ERBB4: variants seen among roughly 807,000 people sequenced by gnomAD.
ERBB4 encodes the protein receptor tyrosine-protein kinase erbB-4.
ERBB4 carries 42 observed loss-of-function variants against 158.0 expected under a neutral mutation model. That is an observed-to-expected ratio of 0.27 (90% CI 0.21 to 0.34). The LOEUF (loss-of-function observed/expected upper bound fraction) is 0.34, where lower values mean the gene tolerates loss of function less well. ERBB4 is among the 10% of genes least tolerant of loss of function. The pLI, the probability that ERBB4 is intolerant of heterozygous loss-of-function variation, is 1.00. For missense variants in ERBB4, 1,333 were observed against 1,624.1 expected, an observed-to-expected ratio of 0.82 and a Z score of 3.08; for synonymous variants, 583 against 558.7, an observed-to-expected ratio of 1.04 and a Z score of -0.61.
chr2:212,377,458 A>G (rs2090362730), intron 1 of ERBB4, among the ~76,000 whole-genome samples: 2 of 151,848 alleles, frequency 1.3e-5, no homozygotes, highest in South Asian at 4.1e-4. Context: ...CTCCCAAGCT[A>G]CAAACCTGCA....
intron 1 of ERBB4, among the ~76,000 whole-genome samples, chr2:212,216,361 A>G (rs2083100114): frequency 6.6e-6 from 1 of 151,344 alleles, no homozygotes. Context: ...TAAAATATTT[A>G]TCTTATGCAT....
chr2:211,449,799 A>C (rs1488217159), intron 20 of ERBB4, among the ~76,000 whole-genome samples: 2 of 152,212 alleles, frequency 1.3e-5, no homozygotes, highest in Non-Finnish European at 1.5e-5. Flanking sequence ...TGTAAGTTAC[A>C]GGCCTGGATA....
At chr2:211,573,080 T>A (rs2067779909) in intron 19 of ERBB4, among the ~76,000 whole-genome samples, 1 of 152,164 alleles carries the variant, frequency 6.6e-6, no homozygotes, top group Non-Finnish European at 1.5e-5. Flanking sequence ...GTTTAGGAGA[T>A]CTTCCTTGAT....
chr2:211,836,799 T>C (rs1340256136), intron 3 of ERBB4, among the ~76,000 whole-genome samples: 1 of 151,982 alleles, frequency 6.6e-6, no homozygotes, highest in African/African-American at 2.4e-5. Flanking sequence ...TATTATATAA[T>C]ATTTCGGTAA....
At chr2:211,926,188 CTT>C (rs1486962460) in intron 3 of ERBB4, among the ~76,000 whole-genome samples, 2 of 152,134 alleles carry the variant, frequency 1.3e-5, no homozygotes, top group African/African-American at 4.8e-5. Flanking sequence ...CATTATTTTT[CTT>C]TCTCTCCCCC....
intron 3 of ERBB4, among the ~76,000 whole-genome samples, chr2:211,825,400 T>C (rs2077080162): frequency 6.6e-6 from 1 of 151,890 alleles, no homozygotes; most frequent in African/African-American, 2.4e-5. Flanking sequence ...TGGCATTGTA[T>C]AAATAGCAAA....
chr2:212,163,661 G>A (rs1170062639), intron 1 of ERBB4, among the ~76,000 whole-genome samples: 1 of 152,052 alleles, frequency 6.6e-6, no homozygotes, highest in Non-Finnish European at 1.5e-5. Context: ...TGCCTTTCCT[G>A]TCACTGGAGT....
At chr2:211,769,901 C>T (rs1044986228) in intron 4 of ERBB4, among the ~76,000 whole-genome samples, 1 of 152,186 alleles carries the variant, frequency 6.6e-6, no homozygotes, top group Non-Finnish European at 1.5e-5. Flanking sequence ...TCTGCCTCTC[C>T]CAGTCCACTT....
intron 2 of ERBB4, among the ~76,000 whole-genome samples, chr2:212,079,872 A>G (rs1403970254): frequency 6.6e-6 from 1 of 152,086 alleles, no homozygotes; most frequent in Non-Finnish European, 1.5e-5. Flanking sequence ...GATAGATATA[A>G]ATGGATGAAG....
chr2:212,150,018 A>G (rs2125626040), intron 1 of ERBB4, among the ~76,000 whole-genome samples: 1 of 152,314 alleles, frequency 6.6e-6, no homozygotes, highest in Non-Finnish European at 1.5e-5. Context: ...GTTCATTTAT[A>G]AAATACCCAT....
rs1450807801 is a variant in ERBB4, at chr2:211,698,378, T to A, written c.1489+3589A>T. Among the ~76,000 whole-genome samples the A allele has an allele frequency of 3.3e-5, 5 of 150,686 alleles. No individual in the cohort carries two copies. In the East Asian group the frequency reaches 7.8e-4, roughly 24 times the overall value. On this transcript the variant is annotated intron_variant, in intron 12 of 27. Transcript: ENST00000342788. ...TATGCTCTATCTATTGAATGGGAGA[T>A]GCTTATACTATATTAAGTATAAGAT...
intron 4 of ERBB4, among the ~76,000 whole-genome samples, chr2:211,755,138 G>A (rs2075260692): frequency 6.6e-6 from 1 of 152,114 alleles, no homozygotes; most frequent in South Asian, 2.1e-4. Flanking sequence ...TCAAAGAGAT[G>A]AAATAAGAAA....
Position 211,537,352 on chromosome 2 carries a change from T to C in ERBB4, c.2487+24551A>G, listed in dbSNP as rs563497901. On this transcript the variant is annotated intron_variant, in intron 20 of 27. Transcript: ENST00000342788. ...GGAAATTTCTATAATTATTTGACATTTCTCAAAATAGTAAAAAAGCTTTCC... is the reference window on the plus strand; with the variant it reads ...GGAAATTTCTATAATTATTTGACATCTCTCAAAATAGTAAAAAAGCTTTCC... Among the ~76,000 whole-genome samples the C allele has an allele frequency of 2.6e-5, 4 of 152,014 alleles. No homozygotes were observed. In the East Asian group the frequency reaches 7.7e-4, roughly 29 times the overall value.
chr2:211,776,091 G>A (rs533474127), intron 4 of ERBB4, among the ~76,000 whole-genome samples: 1 of 152,190 alleles, frequency 6.6e-6, no homozygotes, highest in South Asian at 2.1e-4. Context: ...GTAACTATTC[G>A]ACTTTAGGGC....
At chr2:212,235,529 G>T (rs2083835296) in intron 1 of ERBB4, among the ~76,000 whole-genome samples, 1 of 152,126 alleles carries the variant, frequency 6.6e-6, no homozygotes, top group African/African-American at 2.4e-5. Context: ...GCTTGATGGG[G>T]ATGGCATTGA....
At chr2:212,275,235 G>A (rs62182623) in intron 1 of ERBB4, among the ~76,000 whole-genome samples, 13 of 151,762 alleles carry the variant, frequency 8.6e-5, no homozygotes, top group African/African-American at 2.2e-4. Context: ...ATAAACATAC[G>A]TGTGTATGTC....
intron 2 of ERBB4, among the ~76,000 whole-genome samples, chr2:212,123,688 G>A (rs1480833440): frequency 6.6e-6 from 1 of 152,052 alleles, no homozygotes; most frequent in Non-Finnish European, 1.5e-5. Context: ...TATGTTTTGA[G>A]GTGGTTCATT....
intron 1 of ERBB4, among the ~76,000 whole-genome samples, chr2:212,378,670 C>G (rs955520991): frequency 6.6e-6 from 1 of 151,686 alleles, no homozygotes; most frequent in African/African-American, 2.4e-5. Flanking sequence ...TTTTTATTAT[C>G]TTTGTGGCTA....
At chr2:212,202,603 A>T (rs137883386) in intron 1 of ERBB4, among the ~76,000 whole-genome samples, 1 of 152,180 alleles carries the variant, frequency 6.6e-6, no homozygotes, top group Non-Finnish European at 1.5e-5. Flanking sequence ...AGCCTCCCAA[A>T]TTGCTGGAAT....
Sources: gnomAD v4.1 joint callset for allele counts (sites outside exome capture counted in the v4.1 genomes callset) on GRCh38, gnomAD v4.1.1 for gene constraint, MANE v1.5 for transcripts, NCBI Gene and HGNC (gene_info 2026-07-23, HGNC 2026-07-21) for gene names.